The following PCDH15 variants were observed in gnomAD, a reference collection of about 807,000 sequenced individuals.
PCDH15 encodes protocadherin related 15, also known as protocadherin-15.
PCDH15 carries 129 observed loss-of-function variants against 178.5 expected under a neutral mutation model. The ratio of observed to expected loss-of-function variants is 0.72; its 90% CI spans 0.63 to 0.84. The LOEUF (loss-of-function observed/expected upper bound fraction) is 0.84, where lower values mean the gene tolerates loss of function less well. Among genes scored for constraint, PCDH15 ranks in the 40% least tolerant of loss-of-function variants. The pLI, the probability that PCDH15 is intolerant of heterozygous loss-of-function variation, is 0.00. For synonymous variants in PCDH15, 800 were observed against 732.0 expected, an observed-to-expected ratio of 1.09 and a Z score of -1.50; for missense variants, 2,230 against 2,099.9, an observed-to-expected ratio of 1.06 and a Z score of -1.21.
At chr10:54,628,933 G>C (rs1464838351) in intron 2 of PCDH15, among the ~76,000 whole-genome samples, 1 of 152,030 alleles carries the variant, frequency 6.6e-6, no homozygotes, top group Non-Finnish European at 1.5e-5. Context: ...ACTAATTAGT[G>C]AGCACTTCTC....
At chr10:54,420,234 A>G (rs906606330) in intron 3 of PCDH15, among the ~76,000 whole-genome samples, 2 of 152,018 alleles carry the variant, frequency 1.3e-5, no homozygotes, top group Admixed American at 6.6e-5. Flanking sequence ...AGAATGAAAA[A>G]CCGGAAAAAT....
At chr10:53,949,832 C>T (rs1283498044) in intron 23 of PCDH15, among the ~76,000 whole-genome samples, 1 of 152,138 alleles carries the variant, frequency 6.6e-6, no homozygotes, top group East Asian at 1.9e-4. Flanking sequence ...TCTTTGGCCA[C>T]TGTGATAATA....
chr10:54,494,368 A>C (rs2079911410), intron 3 of PCDH15, among the ~76,000 whole-genome samples: 1 of 152,144 alleles, frequency 6.6e-6, no homozygotes, highest in Non-Finnish European at 1.5e-5. Context: ...TGAAAAGATC[A>C]GACACAGATC....
intron 3 of PCDH15, among the ~76,000 whole-genome samples, chr10:54,403,149 A>T (rs1457446583): frequency 1.3e-5 from 2 of 152,038 alleles, no homozygotes; most frequent in African/African-American, 4.8e-5. Context: ...TGAATAGAAG[A>T]TCAAACAAGA....
chr10:55,143,812 T>C (rs958620019), intron 2 of PCDH15, among the ~76,000 whole-genome samples: 5 of 111,286 alleles, frequency 4.5e-5, no homozygotes, highest in Non-Finnish European at 8.3e-5. Context: ...TAAGAAGTTC[T>C]ACCTAGTGGG....
At chr10:54,841,712 A>G (rs374114498) in intron 3 of PCDH15, among the ~76,000 whole-genome samples, 1 of 151,862 alleles carries the variant, frequency 6.6e-6, no homozygotes, top group Non-Finnish European at 1.5e-5. Context: ...AAAAAAATTT[A>G]AAGTTCACCA....
At chr10:54,814,055 A>G (rs973191276) in intron 3 of PCDH15, among the ~76,000 whole-genome samples, 3 of 152,194 alleles carry the variant, frequency 2.0e-5, no homozygotes, top group Non-Finnish European at 2.9e-5. Context: ...TCCCACACAT[A>G]TATTATGCCA....
chr10:55,563,779 C>T (rs555549204), intron 2 of PCDH15, among the ~76,000 whole-genome samples: 3 of 151,564 alleles, frequency 2.0e-5, no homozygotes, highest in African/African-American at 7.2e-5. Context: ...TCAATAGAGA[C>T]AGAAAGGCTA....
intron 2 of PCDH15, among the ~76,000 whole-genome samples, chr10:55,117,106 G>A (rs899335800): frequency 2.0e-5 from 3 of 152,166 alleles, no homozygotes; most frequent in Non-Finnish European, 4.4e-5. Flanking sequence ...CTTGGGTCAT[G>A]TAAAACTTAC....
chr10:55,513,341 T>C (rs1343532609), intron 2 of PCDH15: 1 of 152,168 alleles, frequency 6.6e-6, no homozygotes, highest in Non-Finnish European at 1.5e-5. Context: ...TAAACTTGTT[T>C]TGCTCTGTCT....
intron 1 of PCDH15, among the ~76,000 whole-genome samples, chr10:54,757,604 C>G (rs1463176188): frequency 6.6e-6 from 1 of 152,130 alleles, no homozygotes; most frequent in Non-Finnish European, 1.5e-5. Flanking sequence ...TAAAAATTGG[C>G]TTTCCTTTAG....
chr10:54,779,052 A>G (rs1949997594), intron 1 of PCDH15, among the ~76,000 whole-genome samples: 1 of 152,044 alleles, frequency 6.6e-6, no homozygotes, highest in Non-Finnish European at 1.5e-5. Context: ...CTAATTCAGG[A>G]GAGAGATTAG....
intron 2 of PCDH15, among the ~76,000 whole-genome samples, chr10:55,155,029 G>A (rs752244248): frequency 2.6e-5 from 4 of 152,076 alleles, no homozygotes; most frequent in Non-Finnish European, 5.9e-5. Context: ...AAGGGGACAA[G>A]ACTGCTTCTG....
chr10:54,797,492 T>C (rs1161778001), intron 1 of PCDH15, among the ~76,000 whole-genome samples: 1 of 141,498 alleles, frequency 7.1e-6, no homozygotes, highest in Non-Finnish European at 1.5e-5. Flanking sequence ...ATTATTTTGT[T>C]GCTGTTATTG....
At chr10:55,125,777 G>T (rs1374760558) in intron 2 of PCDH15, among the ~76,000 whole-genome samples, 1 of 152,046 alleles carries the variant, frequency 6.6e-6, no homozygotes, top group East Asian at 1.9e-4. Context: ...AAGAGGCAAG[G>T]GGTTGAATAG....
intron 1 of PCDH15, among the ~76,000 whole-genome samples, chr10:55,210,774 G>A (rs1308686294): frequency 6.6e-6 from 1 of 150,724 alleles, no homozygotes; most frequent in South Asian, 2.1e-4. Context: ...GACTACAGCC[G>A]CGCACCACCA....
chr10:54,854,246 C>T (rs887510642), intron 3 of PCDH15, among the ~76,000 whole-genome samples: 1 of 152,190 alleles, frequency 6.6e-6, no homozygotes, highest in African/African-American at 2.4e-5. Context: ...ATGCCAGAAA[C>T]TCCAGGGCCC....
intron 14 of PCDH15, among the ~76,000 whole-genome samples, chr10:54,147,484 T>C (rs1027577018): frequency 6.6e-6 from 1 of 151,900 alleles, no homozygotes; most frequent in African/African-American, 2.4e-5. Context: ...ATCAATGATA[T>C]GTCTTACAAA....
intron 3 of PCDH15, among the ~76,000 whole-genome samples, chr10:54,516,444 G>A (rs2082229512): frequency 6.6e-6 from 1 of 151,996 alleles, no homozygotes; most frequent in African/African-American, 2.4e-5. Context: ...GAGATCAACT[G>A]GAAGAAAGGG....
Sources: gnomAD v4.1 joint callset for allele counts (sites outside exome capture counted in the v4.1 genomes callset) on GRCh38, gnomAD v4.1.1 for gene constraint, MANE v1.5 for transcripts, NCBI Gene and HGNC (gene_info 2026-07-23, HGNC 2026-07-21) for gene names.